TMEM200A: variants seen among roughly 807,000 people sequenced by gnomAD.
The protein encoded by TMEM200A is transmembrane protein 200A, also known as two transmembrane C.
TMEM200A carries 12 observed loss-of-function variants against 24.3 expected under a neutral mutation model. That is an observed-to-expected ratio of 0.49 (90% CI 0.32 to 0.80). The LOEUF is 0.80. Among genes scored for constraint, TMEM200A ranks in the 30% least tolerant of loss-of-function variants. The pLI, the probability that TMEM200A is intolerant of heterozygous loss-of-function variation, is 0.04. For missense variants in TMEM200A, 545 were observed against 614.4 expected (o/e 0.89, Z 1.19); for synonymous variants, 224 against 224.4 (o/e 1.00, Z 0.02).
At chr6:130,381,127 A>G (rs1389414494) in intron 1 of TMEM200A, among the ~76,000 whole-genome samples, 1 of 152,274 alleles carries the variant, frequency 6.6e-6, no homozygotes, top group African/African-American at 2.4e-5. Flanking sequence ...ACTTTGAGTC[A>G]TCTGGGAGTT....
Position 130,366,590 on chromosome 6 carries a change from C to T in TMEM200A, c.-81+66C>T. ...GGTGGGCGGCCACCGCAGCCGAAAC[C>T]GGGCACTTCTTCAGCCCTCTGCCCT... On this transcript the variant is annotated intron_variant, in intron 1 of 2. Coordinates refer to ENST00000296978, the MANE Select transcript of TMEM200A (RefSeq NM_001258277.2). This position sits in a 1 kb window ranked among gnomAD's most constrained non-coding sequence, Gnocchi z 4.4. 1.0e-6 allele frequency: 1 copy of T among 985,762 alleles called. No homozygotes were observed. The highest frequency in any genetic ancestry group is 1.7e-5 in the African/African-American group (1 of 57,380). 61.1% of individuals were successfully genotyped at this position (985,762 alleles called of 1,614,324 possible). A position where few individuals can be genotyped will look rare whatever the true frequency, so the allele number is the denominator to read the frequency against.
chr6:130,379,734 G>A (rs767351008), intron 1 of TMEM200A, among the ~76,000 whole-genome samples: 2 of 152,156 alleles, frequency 1.3e-5, no homozygotes, highest in African/African-American at 2.4e-5. Context: ...ACATCTTAGG[G>A]GAAAGAGCAC....
rs1780222348 is a variant in TMEM200A, at chr6:130,442,502, T to C, written c.*604T>C. On this transcript the variant is annotated 3_prime_UTR_variant, in exon 3 of 3. Transcript: ENST00000296978. ...ATCACTTCTGTTTTTAGTGATATTA[T>C]ATCAAGAAACAACGTATTCAAGAGC... The C allele has an allele frequency of 6.0e-6, 1 of 166,516 alleles. No individual in the cohort carries two copies. Among genetic ancestry groups the C allele is most frequent in the South Asian group, 2.1e-4 (1 of 4,832 alleles). 10.3% of individuals were successfully genotyped at this position (166,516 alleles called of 1,614,324 possible).
At chr6:130,424,896 T>G (rs1413570257) in intron 2 of TMEM200A, among the ~76,000 whole-genome samples, 1 of 152,080 alleles carries the variant, frequency 6.6e-6, no homozygotes, top group Non-Finnish European at 1.5e-5. Context: ...TGTCTTCCCT[T>G]GATTTTCCCG....
chr6:130,422,304 T>C lies in TMEM200A; in HGVS notation c.-16-18103T>C, dbSNP rs1390217779. Among the ~76,000 whole-genome samples the C allele has an allele frequency of 3.3e-5, 5 of 152,166 alleles. No individual in the cohort carries two copies. The East Asian group carries it at 9.6e-4, about 29-fold the overall frequency. The stretch of plus-strand genomic sequence containing the variant: ...TTTTTTTTAAGATGGAGTGTCACTC[T>C]GTTGCCCAAGCTGGAAGGTAGTGGT... On this transcript the variant is annotated intron_variant, in intron 2 of 2. Coordinates refer to ENST00000296978, the MANE Select transcript of TMEM200A (RefSeq NM_001258277.2).
chr6:130,413,838 A>T (rs926409235), intron 2 of TMEM200A, among the ~76,000 whole-genome samples: 1 of 152,160 alleles, frequency 6.6e-6, no homozygotes, highest in Non-Finnish European at 1.5e-5. Flanking sequence ...TTCTGTTCCC[A>T]GAACATATCA....
chr6:130,380,791 C>T (rs950076396), intron 1 of TMEM200A, among the ~76,000 whole-genome samples: 8 of 152,080 alleles, frequency 5.3e-5, no homozygotes, highest in African/African-American at 1.9e-4. Flanking sequence ...TCTAATCTAC[C>T]AACATAATCT....
chr6:130,404,470 C>T (rs557720535), intron 2 of TMEM200A, among the ~76,000 whole-genome samples: 32 of 152,066 alleles, frequency 2.1e-4, no homozygotes, highest in African/African-American at 6.0e-4. Context: ...GCATGTATGT[C>T]TTATTTTGAA....
chr6:130,383,223 A>G (rs1778642510), intron 1 of TMEM200A: 1 of 223,050 alleles, frequency 4.5e-6, no homozygotes. Context: ...TAACTAGCTC[A>G]GAAAAAGAGC....
intron 1 of TMEM200A, among the ~76,000 whole-genome samples, chr6:130,377,094 C>T (rs73611658): frequency 0.013 from 2,010 of 152,218 alleles, 39 homozygotes; most frequent in African/African-American, 0.046. Flanking sequence ...ATGCTAAGAG[C>T]ATAACAAGCT....
intron 2 of TMEM200A, among the ~76,000 whole-genome samples, chr6:130,427,530 T>A (rs1382358675): frequency 9.5e-6 from 1 of 105,532 alleles, no homozygotes; most frequent in Non-Finnish European, 1.7e-5. Context: ...CTTGGGCAAA[T>A]CTTTTGAAAG....
intron 2 of TMEM200A, among the ~76,000 whole-genome samples, chr6:130,412,122 CGTT>C (rs1164850249): frequency 8.3e-5 from 12 of 144,414 alleles, no homozygotes; most frequent in African/African-American, 3.2e-4. Flanking sequence ...TGGCACTAAT[CGTT>C]GTGAGCTCAT....
chr6:130,386,917 A>G (rs1271257539), intron 2 of TMEM200A, among the ~76,000 whole-genome samples: 1 of 152,100 alleles, frequency 6.6e-6, no homozygotes, highest in African/African-American at 2.4e-5. Flanking sequence ...ACTCCCAGGC[A>G]CTCTTTCATG....
In TMEM200A at chr6:130,441,485, T is replaced by C; in HGVS notation, c.1063T>C (p.Leu355=). 6.2e-7 allele frequency: 1 copy of C among 1,614,068 alleles called. No individual in the cohort carries two copies. ...AAGGAATAATTCCATTGGGGAGTCG[T>C]TGTCGAGTCAGTACAAGTCATCTAT... ...LPRNNSIGES[L]SSQYKSSMAL... is the part of the protein sequence containing the mutation. The change falls in exon 3 of 3, where the codon TTG becomes CTG. Residue 355 remains leucine (L), a synonymous_variant. Transcript: ENST00000296978.
upstream of TMEM200A, chr6:130,365,584 G>A: frequency 1.0e-6 from 1 of 985,424 alleles, no homozygotes; most frequent in Non-Finnish European, 1.2e-6. Flanking sequence ...GAGCTCCCCA[G>A]CCGCTCCGGA....
chr6:130,384,771 G>A (rs1487538610), intron 1 of TMEM200A, among the ~76,000 whole-genome samples: 1 of 152,184 alleles, frequency 6.6e-6, no homozygotes, highest in Non-Finnish European at 1.5e-5. Context: ...TTGAAGTGAT[G>A]ATCAAATCAC....
chr6:130,419,358 G>A (rs116881596), intron 2 of TMEM200A, among the ~76,000 whole-genome samples: 2,778 of 152,184 alleles, frequency 0.018, 23 homozygotes, highest in Non-Finnish European at 0.027. Flanking sequence ...CTTTGCTATT[G>A]TGAATAGTGC....
chr6:130,418,843 G>A (rs948266599), intron 2 of TMEM200A, among the ~76,000 whole-genome samples: 6 of 151,998 alleles, frequency 3.9e-5, no homozygotes, highest in Non-Finnish European at 7.4e-5. Context: ...GTTATGCATA[G>A]AATGTGTAAT....
At chr6:130,420,279 C>A (rs1779552012) in intron 2 of TMEM200A, among the ~76,000 whole-genome samples, 2 of 152,194 alleles carry the variant, frequency 1.3e-5, no homozygotes, top group South Asian at 2.1e-4. Flanking sequence ...GCAGTAAAAA[C>A]AACCCCTAAA....
Sources: allele counts gnomAD v4.1 joint callset (sites outside exome capture counted in the v4.1 genomes callset), GRCh38; gene constraint gnomAD v4.1.1; non-coding constraint Gnocchi (gnomAD v3.1); transcripts MANE v1.5; gene names NCBI Gene and HGNC (gene_info 2026-07-23, HGNC 2026-07-21).